Variants in C5orf24 observed in about 807,000 individuals in gnomAD.
The protein encoded by C5orf24 is chromosome 5 open reading frame 24, also known as UPF0461 protein C5orf24.
Under a neutral mutation model 9.8 loss-of-function variants are expected in C5orf24, and 4 were observed. The observed-to-expected ratio is 0.41, with a 90% confidence interval of 0.20 to 0.93. The LOEUF (loss-of-function observed/expected upper bound fraction) is 0.93. Ranked by LOEUF, C5orf24 falls within the 40% of genes least tolerant of loss-of-function variation. The pLI, the probability that C5orf24 is intolerant of heterozygous loss-of-function variation, is 0.33. For synonymous variants in C5orf24, 73 were observed against 81.3 expected (o/e 0.90, Z 0.55); for missense variants, 170 against 236.9 (o/e 0.72, Z 1.85).
chr5:134,839,200 CAAA>C, the C5orf24 span, among the ~76,000 whole-genome samples: 2 of 121,292 alleles, frequency 1.6e-5, no homozygotes, highest in Non-Finnish European at 1.8e-5. Flanking sequence ...GACCCTGTCT[CAAA>C]AAAAAAAAAA....
chr5:134,855,175 G>A lies in C5orf24; in HGVS notation c.275G>A (p.Arg92Gln), dbSNP rs1756277753. Residue 92 changes from arginine to glutamine, a missense_variant, in exon 2 of 2, where the codon CGG (arginine) becomes CAG (glutamine). Around this residue, in one of 3 missense-constraint regions of C5orf24, gnomAD observed 21 missense variants for 72.2 expected, o/e 0.29. Transcript: ENST00000394976. ...KNLNRSGKRG[R>Q]PSGTTKSAGY... ...CTCAACCGATCTGGTAAGCGTGGCC[G>A]GCCTTCGGGAACCACCAAATCAGCA... 1 of 1,613,966 alleles carries A rather than the reference G, an allele frequency of 6.2e-7. No individual in the cohort carries two copies. Among genetic ancestry groups the A allele is most frequent in the Non-Finnish European group, 8.5e-7 (1 of 1,180,038 alleles).
chr5:134,851,516 T>G (rs1756160273), intron 1 of C5orf24, among the ~76,000 whole-genome samples: 1 of 149,020 alleles, frequency 6.7e-6, no homozygotes, highest in African/African-American at 2.5e-5. Flanking sequence ...AGAGAGGTGT[T>G]GCTACTGACA....
Position 134,846,100 on chromosome 5 carries a change from T to A in C5orf24, c.-116T>A, listed in dbSNP as rs887410017. 1 of 152,106 alleles carries A rather than the reference T, an allele frequency of 6.6e-6. No homozygotes were observed. Among genetic ancestry groups the A allele is most frequent in the Non-Finnish European group, 1.5e-5 (1 of 67,998 alleles). The allele number at this position is 152,106 out of a possible 1,614,324, so 9.4% of individuals were successfully genotyped here. A position where few individuals can be genotyped will look rare whatever the true frequency, so the allele number is the denominator to read the frequency against. ...CTGCCTGCCACTCCGTCTTGGCCCG[T>A]TCTCCGCACCGTGCAGAGGCGGCGG... On this transcript the variant is annotated 5_prime_UTR_variant, in exon 1 of 2. Transcript: ENST00000394976.
upstream of C5orf24, among the ~76,000 whole-genome samples, chr5:134,843,090 C>T (rs1169382615): frequency 6.6e-6 from 1 of 151,930 alleles, no homozygotes; most frequent in Non-Finnish European, 1.5e-5. Flanking sequence ...GATTCTCGTG[C>T]CTTAGCCTCC....
In C5orf24 at chr5:134,855,392, T is replaced by C. The variant is rs781019398; in HGVS notation, c.492T>C (p.Pro164=). 6.2e-7 allele frequency: 1 copy of C among 1,614,060 alleles called. No homozygotes were observed. The highest frequency in any genetic ancestry group is 1.3e-5 in the African/African-American group (1 of 74,920). Residue 164 remains proline, a synonymous_variant, in exon 2 of 2, where the codon CCT becomes CCC. Transcript: ENST00000394976. ...LGYGCGTAAF[P]YPMMHGRAVH... Reference sequence around the variant, plus strand: ...ATGGCTGTGGCACTGCTGCTTTTCCTTACCCTATGATGCATGGCAGAGCAG... The same window carrying C: ...ATGGCTGTGGCACTGCTGCTTTTCCCTACCCTATGATGCATGGCAGAGCAG...
Position 134,855,123 on chromosome 5 carries a change from A to G in C5orf24, c.223A>G (p.Lys75Glu), listed in dbSNP as rs759301003. 3.7e-6 allele frequency: 6 copies of G among 1,614,098 alleles called. No individual in the cohort carries two copies. Among genetic ancestry groups the G allele is most frequent in the Non-Finnish European group, 5.1e-6 (6 of 1,180,058 alleles). The change falls in exon 2 of 2, where the codon AAA (lysine) becomes GAA (glutamate). Residue 75 changes from lysine to glutamate, a missense_variant. Lys to Glu is a moderately conservative substitution (Grantham distance 56). Around this residue, in one of 3 missense-constraint regions of C5orf24, gnomAD observed 93 missense variants for 104.5 expected, o/e 0.89. Transcript: ENST00000394976. ...TACAAGTGGCAGAAGCATAGAAATAAAAGATGAACTAAAGAAAAAGAAGAA... is the reference window on the plus strand; with the variant it reads ...TACAAGTGGCAGAAGCATAGAAATAGAAGATGAACTAAAGAAAAAGAAGAA... Reference protein sequence around the residue: ...QTTSGRSIEIKDELKKKKNLN... With the variant: ...QTTSGRSIEIEDELKKKKNLN...
At position 134,856,231 on chromosome 5, in the gene C5orf24, A is replaced by C. The variant is rs1162155058; in HGVS notation, c.*764A>C. The C allele has an allele frequency of 1.0e-6, 1 of 991,626 alleles. No homozygotes were observed. The highest frequency in any genetic ancestry group is 1.8e-5 in the African/African-American group (1 of 57,044). The allele number at this position is 991,626 out of a possible 1,614,324, so 61.4% of individuals were successfully genotyped here. ...AACTGCACATTACATTTTTGGTGAAATATAGTGCATTCTGAGGATAGCATA... is the reference window on the plus strand; with the variant it reads ...AACTGCACATTACATTTTTGGTGAACTATAGTGCATTCTGAGGATAGCATA... On this transcript the variant is annotated 3_prime_UTR_variant, in exon 2 of 2. Coordinates refer to ENST00000394976, the MANE Select transcript of C5orf24 (RefSeq NM_001135586.1).
chr5:134,840,056 C>T, the C5orf24 span, among the ~76,000 whole-genome samples: 2 of 151,806 alleles, frequency 1.3e-5, no homozygotes, highest in Non-Finnish European at 2.9e-5. Context: ...CTCCTGTAAT[C>T]CCAGAAACTT....
intron 1 of C5orf24, among the ~76,000 whole-genome samples, chr5:134,853,108 T>A (rs1431627744): frequency 6.6e-6 from 1 of 151,766 alleles, no homozygotes; most frequent in Non-Finnish European, 1.5e-5. Context: ...GAGGTTGCAG[T>A]GAGCTGAGAT....
chr5:134,854,249 C>T (rs1251005635), intron 1 of C5orf24, among the ~76,000 whole-genome samples: 1 of 152,148 alleles, frequency 6.6e-6, no homozygotes, highest in Non-Finnish European at 1.5e-5. Flanking sequence ...TGAAGGGAGT[C>T]AGTACCTTGG....
upstream of C5orf24, among the ~76,000 whole-genome samples, chr5:134,841,009 C>T (rs945041378): frequency 3.3e-4 from 50 of 152,260 alleles, no homozygotes; most frequent in Admixed American, 8.5e-4. Context: ...GCATGACCCA[C>T]GGCCCCAGGC....
Position 134,858,045 on chromosome 5 carries a change from C to T in C5orf24, c.*2578C>T, listed in dbSNP as rs1453824200. On this transcript the variant is annotated 3_prime_UTR_variant, in exon 2 of 2. Coordinates refer to ENST00000394976, the MANE Select transcript of C5orf24 (RefSeq NM_001135586.1). Reference sequence around the variant, plus strand: ...ATTATTGTATAATGAATTTTGTATACATGTTTATGAAATGGTGAGATCAAC... The same window carrying T: ...ATTATTGTATAATGAATTTTGTATATATGTTTATGAAATGGTGAGATCAAC... 1 of 166,868 alleles carries T rather than the reference C, an allele frequency of 6.0e-6. No individual in the cohort carries two copies. Among genetic ancestry groups the T allele is most frequent in the African/African-American group, 2.4e-5 (1 of 41,344 alleles). The allele number at this position is 166,868 out of a possible 1,614,324, so 10.3% of individuals were successfully genotyped here. A position where few individuals can be genotyped will look rare whatever the true frequency, so the allele number is the denominator to read the frequency against.
In C5orf24 at chr5:134,859,354, G is replaced by T. The variant is rs1466932439; in HGVS notation, c.*3887G>T. Reference sequence around the variant, plus strand: ...TGCTGTTAAACTCTAGGATGTATCTGAATCTTTCCTTTTTTCCCCCCTCCT... The same window carrying T: ...TGCTGTTAAACTCTAGGATGTATCTTAATCTTTCCTTTTTTCCCCCCTCCT... On this transcript the variant is annotated 3_prime_UTR_variant, in exon 2 of 2. Transcript: ENST00000394976. 1 of 166,836 alleles carries T rather than the reference G, an allele frequency of 6.0e-6. No individual in the cohort carries two copies. Among genetic ancestry groups the T allele is most frequent in the Non-Finnish European group, 1.5e-5 (1 of 68,062 alleles). 10.3% of individuals were successfully genotyped at this position (166,836 alleles called of 1,614,324 possible).
chr5:134,844,948 G>A (rs563429353), upstream of C5orf24, among the ~76,000 whole-genome samples: 1 of 152,042 alleles, frequency 6.6e-6, no homozygotes, highest in African/African-American at 2.4e-5. Context: ...ATGTTAGTCA[G>A]GCTTGTTTCG....
chr5:134,847,252 A>G (rs1756021066), intron 1 of C5orf24, among the ~76,000 whole-genome samples: 1 of 152,204 alleles, frequency 6.6e-6, no homozygotes, highest in Non-Finnish European at 1.5e-5. Context: ...AGAAGCTCTT[A>G]GTTGACTCCT....
chr5:134,836,296 C>A, the C5orf24 span, among the ~76,000 whole-genome samples: 4 of 151,186 alleles, frequency 2.6e-5, no homozygotes, highest in Admixed American at 6.6e-5. Context: ...CTCAGCCTCC[C>A]AAGTAGCTGG....
the C5orf24 span, among the ~76,000 whole-genome samples, chr5:134,835,716 AG>A: frequency 6.6e-6 from 1 of 152,192 alleles, no homozygotes; most frequent in Admixed American, 6.5e-5. Context: ...TTTCAGAGAC[AG>A]GGTCTTGCTC....
In C5orf24 at chr5:134,848,767, CCTGA is replaced by C. The variant is rs540716721; in HGVS notation, c.-4+2558_-4+2561del. ...CCTGAGGTCAGGAGTTCGAGACCAGCCTGACTAACATGGTGAAACGTCGTCTCTA... is the reference window on the plus strand; with the variant it reads ...CCTGAGGTCAGGAGTTCGAGACCAGCCTAACATGGTGAAACGTCGTCTCTA... On this transcript the variant is annotated intron_variant, in intron 1 of 1. Coordinates refer to ENST00000394976, the MANE Select transcript of C5orf24 (RefSeq NM_001135586.1). 5.4e-3 allele frequency among the ~76,000 whole-genome samples: 818 copies of C among 150,392 alleles called. 2 individuals carry two copies. Among genetic ancestry groups the C allele is most frequent in the Middle Eastern group, 0.042 (12 of 286 alleles).
intron 1 of C5orf24, among the ~76,000 whole-genome samples, chr5:134,853,991 A>C (rs1756239445): frequency 1.3e-5 from 2 of 152,286 alleles, no homozygotes; most frequent in South Asian, 4.2e-4. Context: ...GAGGCAGGAG[A>C]ATCACTTGAA....
Sources: allele counts gnomAD v4.1 joint callset (sites outside exome capture counted in the v4.1 genomes callset), GRCh38; gene constraint gnomAD v4.1.1; regional missense constraint gnomAD v4.1.1; transcripts MANE v1.5; gene names NCBI Gene and HGNC (gene_info 2026-07-23, HGNC 2026-07-21).